The following GLRB variants were observed in gnomAD, a reference collection of about 807,000 sequenced individuals.
GLRB encodes glycine receptor beta.
Under a neutral mutation model 54.2 loss-of-function variants are expected in GLRB, and 33 were observed. The ratio of observed to expected loss-of-function variants is 0.61; its 90% CI spans 0.46 to 0.81. The LOEUF is 0.81. Among genes scored for constraint, GLRB ranks in the 40% least tolerant of loss-of-function variants. The pLI, the probability that GLRB is intolerant of heterozygous loss-of-function variation, is 0.00. For synonymous variants in GLRB, 209 were observed against 208.2 expected (o/e 1.00, Z -0.03); for missense variants, 572 against 584.6 (o/e 0.98, Z 0.22).
At chr4:157,125,710 G>C (rs530206363) in intron 4 of GLRB, among the ~76,000 whole-genome samples, 9 of 151,856 alleles carry the variant, frequency 5.9e-5, no homozygotes, top group Admixed American at 5.3e-4. Flanking sequence ...GAGGCAGGTG[G>C]ATCACTTGAG....
At chr4:157,087,494 G>A (rs888966247) in intron 2 of GLRB, among the ~76,000 whole-genome samples, 3 of 151,944 alleles carry the variant, frequency 2.0e-5, no homozygotes, top group East Asian at 1.9e-4. Context: ...TTTTGTTTAC[G>A]ATTGCTTTGG....
At position 157,124,108 on chromosome 4, in the gene GLRB, TAC is replaced by T. The variant is rs199943256; in HGVS notation, c.297+1713_297+1714del. Among the ~76,000 whole-genome samples, 871 of 151,846 alleles carry T rather than the reference TAC, an allele frequency of 5.7e-3. 12 individuals are homozygous for T. The highest frequency in any genetic ancestry group is 0.02 in the African/African-American group (814 of 41,486). ...AGCATGTAATATTTAAATAAATTCTTACAGAGTTTTGATGATTATGATAAAAT... is the reference window on the plus strand; with the variant it reads ...AGCATGTAATATTTAAATAAATTCTTAGAGTTTTGATGATTATGATAAAAT... On this transcript the variant is annotated intron_variant, in intron 4 of 9. Transcript: ENST00000264428.
chr4:157,138,118 C>G (rs1736472202), intron 6 of GLRB, among the ~76,000 whole-genome samples: 1 of 152,130 alleles, frequency 6.6e-6, no homozygotes, highest in Non-Finnish European at 1.5e-5. Flanking sequence ...GTCACCCAGG[C>G]TAGACTACAG....
intron 4 of GLRB, among the ~76,000 whole-genome samples, chr4:157,132,634 C>T (rs1029139665): frequency 1.3e-5 from 2 of 151,788 alleles, no homozygotes; most frequent in South Asian, 4.1e-4. Flanking sequence ...CCAATTGTTT[C>T]ATGACTTGTT....
intron 4 of GLRB, among the ~76,000 whole-genome samples, chr4:157,128,506 A>T (rs77966353): frequency 6.6e-6 from 1 of 151,830 alleles, no homozygotes; most frequent in Non-Finnish European, 1.5e-5. Context: ...TGTCAACATG[A>T]TACAGAAGGC....
chr4:157,171,878 G>A lies in GLRB; in HGVS notation c.*1150G>A, dbSNP rs1737935522. 6.6e-6 allele frequency: 1 copy of A among 151,736 alleles called. No individual in the cohort carries two copies. Among genetic ancestry groups the A allele is most frequent in the African/African-American group, 2.4e-5 (1 of 41,394 alleles). 9.4% of individuals were successfully genotyped at this position (151,736 alleles called of 1,614,324 possible). A position where few individuals can be genotyped will look rare whatever the true frequency, so the allele number is the denominator to read the frequency against. ...ACTTTGAACTTGTTCCAATCCAAAA[G>A]TAAGCACTAAGTCTCATTTTATGAG... On this transcript the variant is annotated 3_prime_UTR_variant, in exon 10 of 10. Coordinates refer to ENST00000264428, the MANE Select transcript of GLRB (RefSeq NM_000824.5).
At chr4:157,107,338 C>T (rs775113014) in intron 2 of GLRB, among the ~76,000 whole-genome samples, 26 of 152,048 alleles carry the variant, frequency 1.7e-4, no homozygotes, top group Admixed American at 4.6e-4. Flanking sequence ...GAAGGTATGT[C>T]AAAAGCCAAA....
intron 4 of GLRB, among the ~76,000 whole-genome samples, chr4:157,130,240 T>C (rs943024420): frequency 6.6e-6 from 1 of 151,654 alleles, no homozygotes; most frequent in African/African-American, 2.4e-5. Context: ...GCTGTAATCT[T>C]CAGTGGCTTC....
intron 2 of GLRB, among the ~76,000 whole-genome samples, chr4:157,105,820 A>G (rs1287843225): frequency 1.3e-5 from 2 of 152,076 alleles, no homozygotes; most frequent in African/African-American, 2.4e-5. Context: ...TTATCTAGGT[A>G]TAGTCATCCC....
At chr4:157,111,276 C>T (rs1369909039) in intron 2 of GLRB, among the ~76,000 whole-genome samples, 2 of 151,968 alleles carry the variant, frequency 1.3e-5, no homozygotes, top group East Asian at 3.9e-4. Flanking sequence ...TGGGGAGGAG[C>T]TGTGGCATGT....
chr4:157,136,700 T>A lies in GLRB; in HGVS notation c.527+2T>A, dbSNP rs774482162. 2 of 1,555,756 alleles carry A rather than the reference T, an allele frequency of 1.3e-6. No individual in the cohort carries two copies. Among genetic ancestry groups the A allele is most frequent in the South Asian group, 1.1e-5 (1 of 89,850 alleles). ...TGGAGATGTCCTTGTCAGCATGAGG[T>A]ACTCTTTTATATTTCATATTTGTGC... On this transcript the variant is annotated splice_donor_variant, in intron 5 of 9. Transcript: ENST00000264428. LOFTEE classifies it high-confidence loss of function.
At chr4:157,116,384 A>C (rs1264551552) in intron 2 of GLRB, among the ~76,000 whole-genome samples, 1 of 151,798 alleles carries the variant, frequency 6.6e-6, no homozygotes, top group Admixed American at 6.6e-5. Flanking sequence ...AATTGTTGAT[A>C]GATTTCTTAA....
At chr4:157,111,232 G>T (rs1209591165) in intron 2 of GLRB, among the ~76,000 whole-genome samples, 1 of 151,974 alleles carries the variant, frequency 6.6e-6, no homozygotes, top group Admixed American at 6.6e-5. Flanking sequence ...TGGGAGCTAG[G>T]GTTTACTTCC....
At chr4:157,137,876 A>C (rs1736462720) in intron 6 of GLRB, among the ~76,000 whole-genome samples, 1 of 152,196 alleles carries the variant, frequency 6.6e-6, no homozygotes, top group Non-Finnish European at 1.5e-5. Context: ...TTTCAAAAAT[A>C]CATACACTTT....
intron 6 of GLRB, 72 bp downstream of exon 6, chr4:157,136,958 C>T: frequency 6.9e-6 from 6 of 871,016 alleles, no homozygotes; most frequent in South Asian, 6.8e-5. Context: ...ATTCTACTGA[C>T]ATCTTAGACA....
intron 8 of GLRB, among the ~76,000 whole-genome samples, chr4:157,152,447 C>T (rs1411183451): frequency 2.0e-5 from 3 of 152,104 alleles, no homozygotes; most frequent in Non-Finnish European, 2.9e-5. Flanking sequence ...ATATTGAAAA[C>T]AGGTCCAAAT....
chr4:157,145,340 CA>C (rs1476269520), intron 8 of GLRB, among the ~76,000 whole-genome samples: 1 of 152,114 alleles, frequency 6.6e-6, no homozygotes, highest in African/African-American at 2.4e-5. Context: ...ACAAGTTGGA[CA>C]ACAGATTTAA....
At chr4:157,143,287 A>G (rs1736683857) in intron 7 of GLRB, among the ~76,000 whole-genome samples, 1 of 151,956 alleles carries the variant, frequency 6.6e-6, no homozygotes, top group Non-Finnish European at 1.5e-5. Flanking sequence ...TACTTCCAAT[A>G]CTTTCTTAAT....
At chr4:157,133,548 T>G (rs563600046) in intron 4 of GLRB, among the ~76,000 whole-genome samples, 1 of 152,112 alleles carries the variant, frequency 6.6e-6, no homozygotes, top group African/African-American at 2.4e-5. Flanking sequence ...ATAGTTATTT[T>G]TTTAAAAGCA....
Sources: allele counts gnomAD v4.1 joint callset (sites outside exome capture counted in the v4.1 genomes callset), GRCh38; gene constraint gnomAD v4.1.1; transcripts MANE v1.5; gene names NCBI Gene and HGNC (gene_info 2026-07-23, HGNC 2026-07-21).